Variants in GNAL observed in about 807,000 individuals in gnomAD.
The protein encoded by GNAL is guanine nucleotide-binding protein G(olf) subunit alpha.
A neutral mutation model predicts 55.1 loss-of-function variants in GNAL; 18 were observed. The ratio of observed to expected loss-of-function variants is 0.33; its 90% CI spans 0.23 to 0.48. The LOEUF (loss-of-function observed/expected upper bound fraction) is 0.48. Among genes scored for constraint, GNAL ranks in the 20% least tolerant of loss-of-function variants. The probability of loss-of-function intolerance (pLI) is 0.99; values close to 1 mark genes in which losing one functional copy is unlikely to be tolerated. For missense variants in GNAL, 412 were observed against 614.1 expected (o/e 0.67, Z 3.48); for synonymous variants, 253 against 237.0 (o/e 1.07, Z -0.62).
intron 4 of GNAL, among the ~76,000 whole-genome samples, chr18:11,789,657 C>A (rs949073852): frequency 6.6e-6 from 1 of 152,160 alleles, no homozygotes; most frequent in African/African-American, 2.4e-5. Flanking sequence ...AATAAAGTAC[C>A]ATGTCTTCTT....
chr18:11,696,466 C>G (rs900783325), intron 1 of GNAL, among the ~76,000 whole-genome samples: 12 of 150,416 alleles, frequency 8.0e-5, no homozygotes, highest in African/African-American at 3.0e-4. Flanking sequence ...GATCATGCCA[C>G]TGCACTTAAG....
intron 4 of GNAL, among the ~76,000 whole-genome samples, chr18:11,771,910 C>T (rs1243045038): frequency 1.3e-5 from 2 of 152,096 alleles, no homozygotes; most frequent in East Asian, 3.9e-4. Flanking sequence ...TAGTAGAGAT[C>T]AGGTTTCGCC....
At chr18:11,732,570 T>G (rs2032363356) in intron 1 of GNAL, among the ~76,000 whole-genome samples, 3 of 151,480 alleles carry the variant, frequency 2.0e-5, no homozygotes, top group Admixed American at 6.5e-5. Flanking sequence ...ACATTTAGTC[T>G]GTCCTCACCC....
At chr18:11,769,312 T>C (rs1024953363) in intron 4 of GNAL, among the ~76,000 whole-genome samples, 1 of 150,952 alleles carries the variant, frequency 6.6e-6, no homozygotes, top group Non-Finnish European at 1.5e-5. Flanking sequence ...AGAAGATTAA[T>C]AAGGACTATT....
chr18:11,820,420 T>C (rs2035062289), intron 4 of GNAL, among the ~76,000 whole-genome samples: 1 of 152,252 alleles, frequency 6.6e-6, no homozygotes, highest in African/African-American at 2.4e-5. Flanking sequence ...TCTATGTGTT[T>C]ATGTATTTTT....
chr18:11,705,838 C>T (rs905924208), intron 1 of GNAL, among the ~76,000 whole-genome samples: 1 of 150,848 alleles, frequency 6.6e-6, no homozygotes, highest in Non-Finnish European at 1.5e-5. Flanking sequence ...TCACTGCAAC[C>T]TTCGCCTCCC....
chr18:11,797,645 G>C (rs763928021), intron 4 of GNAL, among the ~76,000 whole-genome samples: 31 of 152,068 alleles, frequency 2.0e-4, no homozygotes, highest in Non-Finnish European at 4.1e-4. Flanking sequence ...TTGGGTGGTG[G>C]GGGGGCTGGT....
At chr18:11,877,319 G>T (rs370116291) in intron 11 of GNAL, among the ~76,000 whole-genome samples, 2 of 152,110 alleles carry the variant, frequency 1.3e-5, no homozygotes, top group South Asian at 4.1e-4. Flanking sequence ...GCTGGGTGTG[G>T]TGGCATGCGC....
In GNAL at chr18:11,882,964, C is replaced by CTAAAA. The variant is rs2036744604; in HGVS notation, c.*1833_*1837dup. The CTAAAA allele has an allele frequency of 7.7e-6, 1 of 130,682 alleles. No individual in the cohort carries two copies. The highest frequency in any genetic ancestry group is 7.4e-5 in the Admixed American group (1 of 13,570). The allele number at this position is 130,682 out of a possible 1,614,324, so 8.1% of individuals were successfully genotyped here. On this transcript the variant is annotated 3_prime_UTR_variant, in exon 12 of 12. Coordinates refer to ENST00000334049, the MANE Select transcript of GNAL (RefSeq NM_182978.4). ...AGAGTTGAGGGTAGTTTTTGTAGGT[C>CTAAAA]TAAAATAATAATCTATAAAGATGTC...
chr18:11,725,304 G>C (rs1187565291), intron 1 of GNAL, among the ~76,000 whole-genome samples: 2 of 152,178 alleles, frequency 1.3e-5, no homozygotes, highest in Non-Finnish European at 2.9e-5. Context: ...TTAGGACACA[G>C]ACAGGCACGG....
intron 10 of GNAL, among the ~76,000 whole-genome samples, chr18:11,876,007 G>A (rs550149996): frequency 1.7e-4 from 26 of 152,248 alleles, no homozygotes; most frequent in South Asian, 2.1e-4. Context: ...CATGAAGGCG[G>A]AGCCCTCGTG....
chr18:11,832,208 GAACTTT>G (rs1389080031), intron 5 of GNAL, among the ~76,000 whole-genome samples: 1 of 152,140 alleles, frequency 6.6e-6, no homozygotes, highest in Non-Finnish European at 1.5e-5. Context: ...TTGCTTAATG[GAACTTT>G]AAACTCCACA....
At chr18:11,863,935 CTG>C (rs2036203451) in intron 6 of GNAL, among the ~76,000 whole-genome samples, 1 of 152,186 alleles carries the variant, frequency 6.6e-6, no homozygotes, top group Non-Finnish European at 1.5e-5. Flanking sequence ...GATGCCCTGA[CTG>C]TGGTTGTCAG....
chr18:11,884,602 G>T lies in GNAL; in HGVS notation c.*3467G>T. The T allele has an allele frequency of 1.9e-6, 3 of 1,613,778 alleles. No individual in the cohort carries two copies. Among genetic ancestry groups the T allele is most frequent in the Non-Finnish European group, 2.5e-6 (3 of 1,179,990 alleles). On this transcript the variant is annotated 3_prime_UTR_variant, in exon 12 of 12. Transcript: ENST00000334049. ...ACGTGGGAGGTAGCACTTGGAGAGG[G>T]TGTAGTCTGTGGGCGTGATGCTACC... is the stretch of plus-strand genomic sequence containing the variant.
chr18:11,827,343 T>G (rs944006541), intron 5 of GNAL, among the ~76,000 whole-genome samples: 4 of 152,252 alleles, frequency 2.6e-5, no homozygotes, highest in African/African-American at 9.6e-5. Context: ...CCGGGCATGA[T>G]GGCTCATGCC....
At chr18:11,742,227 A>G (rs964819333) in intron 1 of GNAL, among the ~76,000 whole-genome samples, 14 of 152,344 alleles carry the variant, frequency 9.2e-5, no homozygotes, top group African/African-American at 2.4e-4. Context: ...TGACCGTACT[A>G]TAGTTCGTTG....
chr18:11,719,716 A>G (rs1398490091), intron 1 of GNAL, among the ~76,000 whole-genome samples: 1 of 152,208 alleles, frequency 6.6e-6, no homozygotes, highest in Non-Finnish European at 1.5e-5. Flanking sequence ...TCACCCTGGA[A>G]GAACGGAAGC....
chr18:11,693,257 G>A (rs1440748387), intron 1 of GNAL, among the ~76,000 whole-genome samples: 1 of 152,140 alleles, frequency 6.6e-6, no homozygotes, highest in Non-Finnish European at 1.5e-5. Flanking sequence ...GAATAGAATG[G>A]TGAGCTCTAA....
intron 4 of GNAL, among the ~76,000 whole-genome samples, chr18:11,822,947 G>T (rs940997960): frequency 3.3e-5 from 5 of 151,348 alleles, no homozygotes. Context: ...TGGTGTCTGT[G>T]GTTCCTGTGT....
Sources: allele counts gnomAD v4.1 joint callset (sites outside exome capture counted in the v4.1 genomes callset), GRCh38; gene constraint gnomAD v4.1.1; transcripts MANE v1.5; gene names NCBI Gene and HGNC (gene_info 2026-07-23, HGNC 2026-07-21).